Variants in TTC28 observed in about 807,000 individuals in gnomAD.
TTC28 encodes the protein tetratricopeptide repeat domain 28, also known as tetratricopeptide repeat protein 28.
A neutral mutation model predicts 198.0 loss-of-function variants in TTC28; 61 were observed. The ratio of observed to expected loss-of-function variants is 0.31; its 90% CI spans 0.25 to 0.38. TTC28 has a LOEUF of 0.38. TTC28 is among the 10% of genes least tolerant of loss of function. The probability of loss-of-function intolerance (pLI) is 1.00; values close to 1 mark genes in which losing one functional copy is unlikely to be tolerated. For missense variants in TTC28, 2,678 were observed against 3,164.0 expected (o/e 0.85, Z 3.69); for synonymous variants, 1,171 against 1,297.8 (o/e 0.90, Z 2.10).
At chr22:28,040,776 G>T (rs1461752042) in intron 12 of TTC28, among the ~76,000 whole-genome samples, 1 of 152,146 alleles carries the variant, frequency 6.6e-6, no homozygotes, top group Non-Finnish European at 1.5e-5. Context: ...TATTCAATTA[G>T]GAAAAGAGGA....
rs574415063 is a variant in TTC28 at position 27,999,032 on chromosome 22, C to T, written c.4627G>A (p.Val1543Ile). The change falls in exon 16 of 23, where the codon GTC (valine) becomes ATC (isoleucine). Residue 1543 changes from valine to isoleucine, a missense_variant. Around this residue, in one of 8 missense-constraint regions of TTC28, gnomAD observed 727 missense variants for 861.9 expected, o/e 0.84. Transcript: ENST00000397906. ...VMSALTQAEC[V>I]HFATHISWKL... ...CAGGAGATGTGGGTGGCAAAGTGGACGCATTCAGCCTGGGTCAGGGCACTC... is the reference window on the plus strand; with the variant it reads ...CAGGAGATGTGGGTGGCAAAGTGGATGCATTCAGCCTGGGTCAGGGCACTC... 110 of 1,550,194 alleles carry T rather than the reference C, an allele frequency of 7.1e-5. 1 individual carries two copies. Among genetic ancestry groups the T allele is most frequent in the South Asian group, 6.3e-4 (53 of 84,052 alleles).
At chr22:28,007,349 A>C (rs1937970250) in intron 14 of TTC28, 1 of 152,196 alleles carries the variant, frequency 6.6e-6, no homozygotes, top group Non-Finnish European at 1.5e-5. Context: ...CCATAACTGA[A>C]GCCCACCAAG....
At chr22:28,135,124 G>A (rs1191917372) in intron 6 of TTC28, among the ~76,000 whole-genome samples, 2 of 152,110 alleles carry the variant, frequency 1.3e-5, no homozygotes, top group East Asian at 3.9e-4. Context: ...TTACTTGAAT[G>A]TTGTGTTTTA....
At chr22:28,663,543 C>T (rs2051788592) in intron 1 of TTC28, among the ~76,000 whole-genome samples, 1 of 132,118 alleles carries the variant, frequency 7.6e-6, no homozygotes, top group Non-Finnish European at 1.6e-5. Flanking sequence ...GACGGACGCA[C>T]CTGGAAAATC....
intron 12 of TTC28, among the ~76,000 whole-genome samples, chr22:28,064,649 A>G (rs574712734): frequency 6.6e-6 from 1 of 152,244 alleles, no homozygotes; most frequent in African/African-American, 2.4e-5. Context: ...ACCCAATTAT[A>G]CCCCTCCCCC....
intron 5 of TTC28, among the ~76,000 whole-genome samples, chr22:28,207,250 AAC>A (rs1926501933): frequency 6.6e-6 from 1 of 151,890 alleles, no homozygotes. Context: ...CACAAAAAAA[AAC>A]AGGCCTTCAA....
At chr22:28,159,214 G>C (rs11912673) in intron 6 of TTC28, among the ~76,000 whole-genome samples, 2 of 152,182 alleles carry the variant, frequency 1.3e-5, no homozygotes, top group Non-Finnish European at 2.9e-5. Flanking sequence ...TCTCACTCCA[G>C]CTAAAGTGGC....
At chr22:28,243,820 T>C (rs1376290935) in intron 5 of TTC28, among the ~76,000 whole-genome samples, 2 of 152,088 alleles carry the variant, frequency 1.3e-5, no homozygotes, top group Non-Finnish European at 2.9e-5. Context: ...AAATGTAGAA[T>C]AGCTGTCCCC....
chr22:28,229,871 C>T (rs921432862), intron 5 of TTC28, among the ~76,000 whole-genome samples: 4 of 152,168 alleles, frequency 2.6e-5, no homozygotes, highest in South Asian at 4.1e-4. Context: ...TTGAGAATTA[C>T]AGTTCTTTAA....
chr22:28,490,582 C>A (rs1316975141), intron 2 of TTC28, among the ~76,000 whole-genome samples: 1 of 152,178 alleles, frequency 6.6e-6, no homozygotes, highest in Non-Finnish European at 1.5e-5. Flanking sequence ...GGCCACCACA[C>A]ACAGTTATTT....
intron 1 of TTC28, among the ~76,000 whole-genome samples, chr22:28,675,454 C>T (rs1208435486): frequency 1.3e-5 from 2 of 152,038 alleles, no homozygotes; most frequent in Non-Finnish European, 2.9e-5. Context: ...CATCAGAGGA[C>T]ATTATCAAAA....
At chr22:28,191,728 A>G (rs1160299169) in intron 5 of TTC28, among the ~76,000 whole-genome samples, 1 of 152,200 alleles carries the variant, frequency 6.6e-6, no homozygotes, top group African/African-American at 2.4e-5. Context: ...GCAAGGTGGA[A>G]GCGAGGCTGG....
chr22:28,354,205 G>A (rs1169656199), intron 2 of TTC28, among the ~76,000 whole-genome samples: 1 of 152,118 alleles, frequency 6.6e-6, no homozygotes, highest in Non-Finnish European at 1.5e-5. Flanking sequence ...AATTGAAACA[G>A]GGACTCAGGT....
At chr22:28,651,398 A>T (rs997320209) in intron 1 of TTC28, among the ~76,000 whole-genome samples, 2 of 151,462 alleles carry the variant, frequency 1.3e-5, no homozygotes, top group African/African-American at 4.9e-5. Context: ...ACCTCCCAGG[A>T]TCAGGTGATC....
chr22:28,569,906 A>G lies in TTC28; in HGVS notation c.381+59646T>C, dbSNP rs181096222. Among the ~76,000 whole-genome samples the G allele has an allele frequency of 7.3e-4, 111 of 152,328 alleles. 1 individual carries two copies. The highest frequency in any genetic ancestry group is 6.9e-3 in the Admixed American group (105 of 15,300). On this transcript the variant is annotated intron_variant, in intron 2 of 22. Transcript: ENST00000397906. The stretch of plus-strand genomic sequence containing the variant: ...AAATGGGCAGAGGACATGAACAGAC[A>G]CTTTTCGAAAGAAGACATATACGTG...
intron 5 of TTC28, among the ~76,000 whole-genome samples, chr22:28,202,589 A>G (rs1286204591): frequency 1.3e-5 from 2 of 152,070 alleles, no homozygotes; most frequent in Non-Finnish European, 2.9e-5. Context: ...TTGAATCATC[A>G]TTCTGTATCT....
chr22:28,462,752 G>A (rs1388596538), intron 2 of TTC28, among the ~76,000 whole-genome samples: 1 of 152,130 alleles, frequency 6.6e-6, no homozygotes, highest in East Asian at 1.9e-4. Flanking sequence ...TGAATTATGA[G>A]ACCAGCTGTT....
chr22:28,494,936 GGAA>G (rs2146352389), intron 2 of TTC28, among the ~76,000 whole-genome samples: 1 of 151,328 alleles, frequency 6.6e-6, no homozygotes, highest in East Asian at 1.9e-4. Context: ...AAGGAAAAAA[GGAA>G]CAATCAAAGA....
intron 2 of TTC28, among the ~76,000 whole-genome samples, chr22:28,572,708 A>T (rs971307499): frequency 6.6e-6 from 1 of 152,164 alleles, no homozygotes; most frequent in Non-Finnish European, 1.5e-5. Context: ...TTATTAGGGG[A>T]GTGAGATGTG....
Sources: allele counts gnomAD v4.1 joint callset (sites outside exome capture counted in the v4.1 genomes callset), GRCh38; gene constraint gnomAD v4.1.1; regional missense constraint gnomAD v4.1.1; transcripts MANE v1.5; gene names NCBI Gene and HGNC (gene_info 2026-07-23, HGNC 2026-07-21).